DOCK5: variants seen among roughly 807,000 people sequenced by gnomAD.
DOCK5 encodes the protein dedicator of cytokinesis protein 5.
In DOCK5, 142 loss-of-function variants were observed where a neutral mutation model predicts 251.8. That is an observed-to-expected ratio of 0.56 (90% CI 0.49 to 0.65). The LOEUF (loss-of-function observed/expected upper bound fraction) is 0.65, where lower values mean the gene tolerates loss of function less well. DOCK5 is among the 30% of genes least tolerant of loss of function. DOCK5 has a pLI of 0.00. For synonymous variants in DOCK5, 842 were observed against 835.5 expected, an observed-to-expected ratio of 1.01 and a Z score of -0.13; for missense variants, 2,111 against 2,312.3, an observed-to-expected ratio of 0.91 and a Z score of 1.79.
At chr8:25,265,480 T>C (rs923245875) in intron 2 of DOCK5, among the ~76,000 whole-genome samples, 3 of 152,070 alleles carry the variant, frequency 2.0e-5, no homozygotes, top group Admixed American at 2.0e-4. Flanking sequence ...CTCATTCCTT[T>C]TAGCTTCTTA....
chr8:25,359,670 G>A (rs1800641707), intron 28 of DOCK5, among the ~76,000 whole-genome samples: 1 of 152,198 alleles, frequency 6.6e-6, no homozygotes, highest in African/African-American at 2.4e-5. Flanking sequence ...AGCTCCTTAT[G>A]TGAATCTCAC....
At chr8:25,200,347 C>CAA in intron 1 of DOCK5, among the ~76,000 whole-genome samples, 1 of 152,196 alleles carries the variant, frequency 6.6e-6, no homozygotes, top group African/African-American at 2.4e-5. Flanking sequence ...ATACCAAAAA[C>CAA]ATGGAAACTC....
At chr8:25,342,618 C>T (rs1805981633) in intron 25 of DOCK5, 111 bp downstream of exon 25, 5 of 623,512 alleles carry the variant, frequency 8.0e-6, no homozygotes, top group Non-Finnish European at 1.3e-5. Context: ...CTAAAACAAG[C>T]TGCTGCATGC....
At chr8:25,203,913 TTCCTAAAATTGC>T (rs1423824817) in intron 1 of DOCK5, among the ~76,000 whole-genome samples, 20 of 152,186 alleles carry the variant, frequency 1.3e-4, no homozygotes, top group Admixed American at 1.3e-3. Flanking sequence ...TGATCCTGCC[TTCCTAAAATTGC>T]TCCTCAACAA....
intron 1 of DOCK5, among the ~76,000 whole-genome samples, chr8:25,225,877 G>T (rs1802518823): frequency 6.6e-6 from 1 of 152,186 alleles, no homozygotes; most frequent in African/African-American, 2.4e-5. Context: ...GGAGTTACCA[G>T]GGGGTGGGAG....
In DOCK5 at chr8:25,278,683, G is replaced by T. The variant is rs762942714; in HGVS notation, c.321+18G>T. ...TCTACGTGGTGAGTTTCCCCTTGTGGCTTGGAGCCCCAGGGTCACTCTGGG... is the reference window on the plus strand; with the variant it reads ...TCTACGTGGTGAGTTTCCCCTTGTGTCTTGGAGCCCCAGGGTCACTCTGGG... On this transcript the variant is annotated intron_variant, in intron 5 of 51. Coordinates refer to ENST00000276440, the MANE Select transcript of DOCK5 (RefSeq NM_024940.8). 1 of 1,611,964 alleles carries T rather than the reference G, an allele frequency of 6.2e-7. No individual in the cohort carries two copies. The highest frequency in any genetic ancestry group is 1.1e-5 in the South Asian group (1 of 90,700).
intron 28 of DOCK5, 55 bp downstream of exon 28, chr8:25,359,116 A>G (rs1045677144): frequency 1.8e-5 from 27 of 1,490,230 alleles, no homozygotes; most frequent in Non-Finnish European, 2.4e-5. Flanking sequence ...TTTGGTTTAA[A>G]AAAATGACTG....
intron 10 of DOCK5, among the ~76,000 whole-genome samples, 170 bp from the exon 11 acceptor site, chr8:25,304,085 C>T (rs1804837045): frequency 6.6e-6 from 1 of 152,124 alleles, no homozygotes; most frequent in East Asian, 1.9e-4. Flanking sequence ...CACTTTTTTG[C>T]TGGGCTAGGT....
At chr8:25,380,852 G>A (rs549139040) in intron 39 of DOCK5, among the ~76,000 whole-genome samples, 2 of 151,942 alleles carry the variant, frequency 1.3e-5, no homozygotes, top group African/African-American at 4.8e-5. Context: ...CGAATGCCCA[G>A]TGGAGGCAGC....
intron 39 of DOCK5, among the ~76,000 whole-genome samples, chr8:25,381,144 C>CTGATGGTAGG (rs1259864067): frequency 9.2e-5 from 14 of 152,148 alleles, no homozygotes; most frequent in African/African-American, 3.4e-4. Flanking sequence ...TTCTGAATGC[C>CTGATGGTAGG]CAGTGGTAGG....
chr8:25,293,372 G>A (rs1324093710), intron 6 of DOCK5, among the ~76,000 whole-genome samples: 3 of 152,152 alleles, frequency 2.0e-5, no homozygotes, highest in Admixed American at 2.0e-4. Flanking sequence ...AACATGCCAT[G>A]CAGGATTCAG....
chr8:25,410,979 GCGCGCACGCACGCACGCACGCA>G (rs1192191280), intron 51 of DOCK5, among the ~76,000 whole-genome samples, 193 bp from the exon 52 acceptor site: 14 of 115,590 alleles, frequency 1.2e-4, no homozygotes, highest in Non-Finnish European at 2.0e-4. Flanking sequence ...GTGTGCGCGC[GCGCGCACGCACGCACGCACGCA>G]CGCGTGTGTC....
chr8:25,299,001 T>A lies in DOCK5; in HGVS notation c.664T>A (p.Tyr222Asn). The A allele has an allele frequency of 6.2e-7, 1 of 1,613,894 alleles. No homozygotes were observed. Among genetic ancestry groups the A allele is most frequent in the Non-Finnish European group, 8.5e-7 (1 of 1,179,854 alleles). Residue 222 changes from tyrosine (Y) to asparagine (N), a missense_variant, in exon 8 of 52, where the codon TAT becomes AAT. Physicochemically the swap from Tyr to Asn is moderately radical, Grantham distance 143 (BLOSUM62 -2). Transcript: ENST00000276440. ...GQSIFSTIHT[Y>N]GLYVNFKNFV... The stretch of plus-strand genomic sequence containing the variant: ...GTCCATCTTCAGTACCATCCACACC[T>A]ATGGCCTCTATGTGAACTTCAAGAA...
intron 44 of DOCK5, among the ~76,000 whole-genome samples, chr8:25,393,301 C>T (rs948068836): frequency 2.6e-5 from 4 of 152,192 alleles, no homozygotes; most frequent in African/African-American, 9.7e-5. Context: ...GCTTATTTTA[C>T]CTGTTTAGTA....
At chr8:25,361,786 C>G (rs902601624) in intron 28 of DOCK5, among the ~76,000 whole-genome samples, 3 of 152,188 alleles carry the variant, frequency 2.0e-5, no homozygotes, top group Middle Eastern at 3.4e-3. Flanking sequence ...ATTCCCCATG[C>G]CGTTCAGCAT....
chr8:25,362,121 C>T (rs553849869), intron 28 of DOCK5, among the ~76,000 whole-genome samples: 36 of 152,298 alleles, frequency 2.4e-4, no homozygotes, highest in African/African-American at 7.5e-4. Flanking sequence ...GCCACTGTTA[C>T]GATCCATTTT....
At chr8:25,349,615 T>A (rs2117246331) in intron 26 of DOCK5, among the ~76,000 whole-genome samples, 1 of 152,318 alleles carries the variant, frequency 6.6e-6, no homozygotes, top group East Asian at 1.9e-4. Context: ...TCTTTTGCAA[T>A]AACTTAGGTG....
chr8:25,227,783 A>G (rs1802568634), intron 1 of DOCK5, among the ~76,000 whole-genome samples: 1 of 152,234 alleles, frequency 6.6e-6, no homozygotes, highest in African/African-American at 2.4e-5. Context: ...TTTGTCAAGC[A>G]AACTACAAAG....
chr8:25,292,124 T>A lies in DOCK5; in HGVS notation c.422T>A (p.Leu141Gln). The change falls in exon 6 of 52, where the codon CTG becomes CAG. Residue 141 changes from leucine to glutamine, a missense_variant. Coordinates refer to ENST00000276440, the MANE Select transcript of DOCK5 (RefSeq NM_024940.8). ...TCTGGGACGCTCCCCAAGGATGAACTGGCAGAGCTCAAGAAGAAAGTCACA... is the reference window on the plus strand; with the variant it reads ...TCTGGGACGCTCCCCAAGGATGAACAGGCAGAGCTCAAGAAGAAAGTCACA... ...ILSGTLPKDELAELKKKVTAK... is the reference protein window; with the variant it reads ...ILSGTLPKDEQAELKKKVTAK... 6.3e-7 allele frequency: 1 copy of A among 1,587,922 alleles called. No individual in the cohort carries two copies. Among genetic ancestry groups the A allele is most frequent in the African/African-American group, 1.3e-5 (1 of 74,474 alleles).
Sources: allele counts gnomAD v4.1 joint callset (sites outside exome capture counted in the v4.1 genomes callset), GRCh38; gene constraint gnomAD v4.1.1; transcripts MANE v1.5; gene names NCBI Gene and HGNC (gene_info 2026-07-23, HGNC 2026-07-21).